CEP85L: variants seen among roughly 807,000 people sequenced by gnomAD.
CEP85L encodes centrosomal protein of 85 kDa-like.
CEP85L carries 60 observed loss-of-function variants against 100.3 expected under a neutral mutation model. The ratio of observed to expected loss-of-function variants is 0.60; its 90% CI spans 0.49 to 0.74. The LOEUF (loss-of-function observed/expected upper bound fraction) is 0.74, where lower values mean the gene tolerates loss of function less well. Ranked by LOEUF, CEP85L falls within the 30% of genes least tolerant of loss-of-function variation. The pLI is 0.00. For synonymous variants in CEP85L, 319 were observed against 322.7 expected (o/e 0.99, Z 0.12); for missense variants, 973 against 936.2 (o/e 1.04, Z -0.51).
chr6:118,462,437 G>T lies in CEP85L; in HGVS notation c.*2968C>A, dbSNP rs1179095809. On this transcript the variant is annotated 3_prime_UTR_variant, in exon 13 of 13. Coordinates refer to ENST00000368491, the MANE Select transcript of CEP85L (RefSeq NM_001042475.3). Reference sequence around the variant, plus strand: ...GAATTTTATCTGTACAGGCAATTTGGGTCTTTCATTGAGTCAACTGTTACT... The same window carrying T: ...GAATTTTATCTGTACAGGCAATTTGTGTCTTTCATTGAGTCAACTGTTACT... 1.3e-5 allele frequency: 2 copies of T among 151,786 alleles called. No individual in the cohort carries two copies. Among genetic ancestry groups the T allele is most frequent in the Admixed American group, 6.6e-5 (1 of 15,224 alleles). The allele number at this position is 151,786 out of a possible 1,614,324, so 9.4% of individuals were successfully genotyped here.
chr6:118,603,924 A>G (rs1771994735), intron 2 of CEP85L, among the ~76,000 whole-genome samples: 1 of 152,256 alleles, frequency 6.6e-6, no homozygotes, highest in Admixed American at 6.5e-5. Context: ...CACAGTAGAT[A>G]AGGAAATTTG....
chr6:118,615,539 T>C (rs542991999), intron 2 of CEP85L, among the ~76,000 whole-genome samples: 5 of 152,330 alleles, frequency 3.3e-5, no homozygotes, highest in African/African-American at 4.8e-5. Context: ...CGAGAAAGAT[T>C]TGGCCCTTGC....
intron 1 of CEP85L, among the ~76,000 whole-genome samples, chr6:118,678,800 C>G (rs1197814743): frequency 6.6e-6 from 1 of 152,186 alleles, no homozygotes; most frequent in Non-Finnish European, 1.5e-5. Context: ...GGCATGGTGG[C>G]AGGTGCCTGC....
At chr6:118,466,072 GA>G (rs1772498330) in intron 12 of CEP85L, among the ~76,000 whole-genome samples, 1 of 152,100 alleles carries the variant, frequency 6.6e-6, no homozygotes, top group African/African-American at 2.4e-5. Context: ...AGAGGGAGAG[GA>G]AGAGGGAGAG....
intron 3 of CEP85L, chr6:118,565,176 C>A (rs1779429287): frequency 4.5e-6 from 1 of 220,632 alleles, no homozygotes; most frequent in Non-Finnish European, 9.0e-6. Flanking sequence ...AAATCTAAGA[C>A]CTTGTATAGC....
chr6:118,470,429 C>T (rs1772863097), intron 11 of CEP85L, 108 bp downstream of exon 11: 1 of 510,056 alleles, frequency 2.0e-6, no homozygotes, highest in Non-Finnish European at 3.5e-6. Context: ...AATTAACAGG[C>T]ATATCAAAAT....
chr6:118,604,557 T>A (rs1417747681), intron 2 of CEP85L, among the ~76,000 whole-genome samples: 2 of 152,252 alleles, frequency 1.3e-5, no homozygotes, highest in Non-Finnish European at 2.9e-5. Context: ...GTTTCTTCAA[T>A]AGTCTCAATT....
chr6:118,616,499 G>C (rs193209238), intron 2 of CEP85L, among the ~76,000 whole-genome samples: 11 of 151,320 alleles, frequency 7.3e-5, no homozygotes, highest in Non-Finnish European at 1.5e-4. Context: ...ACAACTGCAC[G>C]CCAGCCTGGG....
intron 3 of CEP85L, among the ~76,000 whole-genome samples, chr6:118,555,322 G>A (rs1441432557): frequency 1.3e-5 from 2 of 151,798 alleles, no homozygotes; most frequent in African/African-American, 2.4e-5. Flanking sequence ...CAGCTACTCG[G>A]GAGGCTAAGG....
chr6:118,528,545 A>G (rs917135128), intron 3 of CEP85L, among the ~76,000 whole-genome samples: 3 of 152,120 alleles, frequency 2.0e-5, no homozygotes, highest in African/African-American at 7.2e-5. Context: ...AATTTACCAA[A>G]CCAGCAGCAG....
intron 6 of CEP85L, among the ~76,000 whole-genome samples, chr6:118,485,498 C>T (rs1165115325): frequency 1.3e-5 from 2 of 152,186 alleles, no homozygotes; most frequent in African/African-American, 4.8e-5. Context: ...AAGACAAACA[C>T]ATCCTATTAT....
chr6:118,552,144 T>C (rs1017706761), intron 3 of CEP85L, among the ~76,000 whole-genome samples: 1 of 152,032 alleles, frequency 6.6e-6, no homozygotes. Context: ...TAGATATTAC[T>C]TGAATTCAAT....
chr6:118,582,694 G>A (rs1780642154), intron 2 of CEP85L, among the ~76,000 whole-genome samples: 1 of 152,182 alleles, frequency 6.6e-6, no homozygotes, highest in African/African-American at 2.4e-5. Flanking sequence ...TAGACCAGAT[G>A]AGAATCCCAC....
chr6:118,664,380 G>C (rs569506702), intron 1 of CEP85L: 1 of 152,404 alleles, frequency 6.6e-6, no homozygotes, highest in South Asian at 2.1e-4. Flanking sequence ...GAAAATGAGG[G>C]GTTCTAAGAA....
chr6:118,512,214 C>G (rs1279357358), intron 4 of CEP85L, among the ~76,000 whole-genome samples: 1 of 152,048 alleles, frequency 6.6e-6, no homozygotes, highest in African/African-American at 2.4e-5. Flanking sequence ...ATGGTGGTCT[C>G]CCTGAATTGA....
intron 1 of CEP85L, among the ~76,000 whole-genome samples, chr6:118,693,311 T>G (rs899103981): frequency 6.6e-6 from 1 of 152,182 alleles, no homozygotes. Flanking sequence ...TCTTAAAAAT[T>G]TCCATGCTTT....
At chr6:118,586,452 C>A (rs570869766) in intron 2 of CEP85L, among the ~76,000 whole-genome samples, 1 of 152,074 alleles carries the variant, frequency 6.6e-6, no homozygotes, top group Non-Finnish European at 1.5e-5. Flanking sequence ...AGATTTGGTA[C>A]TGGTAAAGGA....
chr6:118,613,629 C>T (rs1295341272), intron 2 of CEP85L, among the ~76,000 whole-genome samples: 1 of 151,520 alleles, frequency 6.6e-6, no homozygotes, highest in Admixed American at 6.6e-5. Context: ...TGGTGGCACA[C>T]ACCTATAATC....
intron 2 of CEP85L, among the ~76,000 whole-genome samples, chr6:118,593,994 A>G (rs1781329363): frequency 6.6e-6 from 1 of 152,124 alleles, no homozygotes; most frequent in Non-Finnish European, 1.5e-5. Context: ...TTCTGCCAGG[A>G]GTCTTTTCCC....
Sources: gnomAD v4.1 joint callset for allele counts (sites outside exome capture counted in the v4.1 genomes callset) on GRCh38, gnomAD v4.1.1 for gene constraint, MANE v1.5 for transcripts, NCBI Gene and HGNC (gene_info 2026-07-23, HGNC 2026-07-21) for gene names.